Variants in WTAP observed in about 807,000 individuals in gnomAD.
WTAP encodes WT1 associated protein, also known as pre-mRNA-splicing regulator WTAP.
A neutral mutation model predicts 50.0 loss-of-function variants in WTAP; 8 were observed. The observed-to-expected ratio is 0.16, with a 90% CI of 0.09 to 0.29. The LOEUF (loss-of-function observed/expected upper bound fraction) is 0.29, where lower values mean the gene tolerates loss of function less well. WTAP is among the 10% of genes least tolerant of loss of function. The probability of loss-of-function intolerance (pLI) is 1.00; values close to 1 mark genes in which losing one functional copy is unlikely to be tolerated. For missense variants in WTAP, 295 were observed against 470.7 expected (o/e 0.63, Z 3.45); for synonymous variants, 194 against 169.0 (o/e 1.15, Z -1.15).
rs1779988589 is a variant in WTAP, at chr6:159,755,765, C to CTTTTTTTTTTGTTTTTTTTTTTTTTTTTT, written c.*164_*165insGTTTTTTTTTTTTTTTTTTTTTTTTTTTT. The stretch of plus-strand genomic sequence containing the variant: ...TTTTTCTTTGTTTTTTTTTTCTTTT[C>CTTTTTTTTTTGTTTTTTTTTTTTTTTTTT]TTTTTTTTTTTTTTTTTTTTTTTTT... On this transcript the variant is annotated 3_prime_UTR_variant, in exon 8 of 8. Coordinates refer to ENST00000621533, the MANE Select transcript of WTAP (RefSeq NM_001270531.2). 1 of 160,626 alleles carries CTTTTTTTTTTGTTTTTTTTTTTTTTTTTT rather than the reference C, an allele frequency of 6.2e-6. No homozygotes were observed. Among genetic ancestry groups the CTTTTTTTTTTGTTTTTTTTTTTTTTTTTT allele is most frequent in the Non-Finnish European group, 7.6e-6 (1 of 130,856 alleles). 10.0% of individuals were successfully genotyped at this position (160,626 alleles called of 1,614,324 possible). A position where few individuals can be genotyped will look rare whatever the true frequency, so the allele number is the denominator to read the frequency against.
intron 3 of WTAP, among the ~76,000 whole-genome samples, chr6:159,739,671 TAAAAA>T (rs1779124586): frequency 6.6e-6 from 1 of 152,176 alleles, no homozygotes; most frequent in Non-Finnish European, 1.5e-5. Context: ...ATAACTTAGA[TAAAAA>T]TAAAATAAGT....
At chr6:159,728,941 A>G (rs893036607) in intron 1 of WTAP, among the ~76,000 whole-genome samples, 7 of 152,258 alleles carry the variant, frequency 4.6e-5, no homozygotes, top group South Asian at 4.1e-4. Context: ...AAAAGTAATA[A>G]TAATAGTGTG....
upstream of WTAP, chr6:159,726,966 A>T: frequency 2.3e-6 from 3 of 1,283,914 alleles, no homozygotes; most frequent in South Asian, 3.7e-5. Context: ...TCACGAACAC[A>T]GAGCGGCCAA....
intron 3 of WTAP, 31 bp from the exon 4 acceptor site, chr6:159,742,054 CGTA>C (rs1562459884): frequency 2.1e-6 from 3 of 1,440,666 alleles, no homozygotes; most frequent in South Asian, 2.4e-5. Flanking sequence ...ACTATTTTAT[CGTA>C]ACAACTAATG....
intron 1 of WTAP, among the ~76,000 whole-genome samples, chr6:159,733,088 A>G (rs541120956): frequency 2.7e-4 from 41 of 152,254 alleles, no homozygotes; most frequent in African/African-American, 9.1e-4. Flanking sequence ...AATGACTGCC[A>G]CCAGGTTAAG....
intron 1 of WTAP, among the ~76,000 whole-genome samples, chr6:159,733,368 G>A (rs1413883848): frequency 6.6e-6 from 1 of 152,136 alleles, no homozygotes; most frequent in Non-Finnish European, 1.5e-5. Context: ...TGTAATGCCA[G>A]CACTTTGGGA....
Position 159,753,537 on chromosome 6 carries a change from A to G in WTAP, c.530A>G (p.Gln177Arg). 1 of 1,614,238 alleles carries G rather than the reference A, an allele frequency of 6.2e-7. No homozygotes were observed. Among genetic ancestry groups the G allele is most frequent in the Non-Finnish European group, 8.5e-7 (1 of 1,180,044 alleles). ...CAAGAGCTTGGAAGGCAGCTGTCCC[A>G]GGGACGTATTGCACAACTTGAAGCA... ...ENQELGRQLS[Q>R]GRIAQLEAEL... The change falls in exon 7 of 8, where the codon CAG becomes CGG. Residue 177 changes from glutamine to arginine, a missense_variant. Transcript: ENST00000621533.
chr6:159,747,714 A>G (rs1779656979), intron 5 of WTAP, among the ~76,000 whole-genome samples: 1 of 152,214 alleles, frequency 6.6e-6, no homozygotes. Flanking sequence ...TTAGGTAATT[A>G]ATATTTTAAA....
At chr6:159,742,047 A>G (rs1428017646) in intron 3 of WTAP, 41 bp from the exon 4 acceptor site, 9 of 1,392,546 alleles carry the variant, frequency 6.5e-6, no homozygotes, top group Non-Finnish European at 9.0e-6. Flanking sequence ...TTAATAAACT[A>G]TTTTATCGTA....
At position 159,748,812 on chromosome 6, in the gene WTAP, A is replaced by C. The variant is rs1779712874; in HGVS notation, c.452+443A>C. 1 of 1,231,564 alleles carries C rather than the reference A, an allele frequency of 8.1e-7. No homozygotes were observed. The highest frequency in any genetic ancestry group is 4.1e-5 in the Admixed American group (1 of 24,200). 76.3% of individuals were successfully genotyped at this position (1,231,564 alleles called of 1,614,324 possible). A position where few individuals can be genotyped will look rare whatever the true frequency, so the allele number is the denominator to read the frequency against. ...ATGTAAAATTCCAGTAAAATGTAAA[A>C]ACGGAATATGCATCGCTCTTAACCT... is the stretch of plus-strand genomic sequence containing the variant. On this transcript the variant is annotated intron_variant, in intron 6 of 7. Transcript: ENST00000621533. The surrounding 1 kb of genome is among the most constrained non-coding windows in gnomAD (Gnocchi z 5.6).
At chr6:159,737,074 G>T (rs554824424) in intron 2 of WTAP, among the ~76,000 whole-genome samples, 6 of 152,266 alleles carry the variant, frequency 3.9e-5, no homozygotes, top group African/African-American at 1.2e-4. Context: ...TTGGAACAGG[G>T]TCTTGCTCTC....
chr6:159,755,217 C>T lies in WTAP; in HGVS notation c.797C>T (p.Thr266Ile). Residue 266 changes from threonine to isoleucine, a missense_variant, in exon 8 of 8, where the codon ACA becomes ATA. Thr to Ile is a moderately conservative substitution (Grantham distance 89). Coordinates refer to ENST00000621533, the MANE Select transcript of WTAP (RefSeq NM_001270531.2). ...GAACCTGTAGAACAGTCAGAGGCCA[C>T]AAGTAAAGACTGCAGTCGTCTGACA... ...ASEPVEQSEA[T>I]SKDCSRLTNG... is the part of the protein sequence containing the mutation. 2 of 1,614,168 alleles carry T rather than the reference C, an allele frequency of 1.2e-6. No individual in the cohort carries two copies. The highest frequency in any genetic ancestry group is 8.5e-7 in the Non-Finnish European group (1 of 1,180,018).
chr6:159,727,090 C>T (rs1452756434), upstream of WTAP: 5 of 1,195,438 alleles, frequency 4.2e-6, no homozygotes, highest in East Asian at 1.8e-4. Context: ...TGACCTCCGA[C>T]CTCGCTGGCC....
chr6:159,747,650 A>G (rs1288491255), intron 5 of WTAP, among the ~76,000 whole-genome samples: 1 of 152,220 alleles, frequency 6.6e-6, no homozygotes, highest in Non-Finnish European at 1.5e-5. Flanking sequence ...GGGACTTTAC[A>G]TAGAATAATT....
At chr6:159,742,661 A>G (rs773948776) in intron 4 of WTAP, among the ~76,000 whole-genome samples, 17 of 152,158 alleles carry the variant, frequency 1.1e-4, no homozygotes, top group African/African-American at 2.4e-4. Flanking sequence ...CTATTTGTTG[A>G]GTATAAAAAC....
At chr6:159,730,634 A>G (rs1402784969) in intron 1 of WTAP, among the ~76,000 whole-genome samples, 1 of 152,210 alleles carries the variant, frequency 6.6e-6, no homozygotes, top group Non-Finnish European at 1.5e-5. Context: ...ATCGACTTTC[A>G]AGGAAAGATT....
At chr6:159,745,866 T>C (rs1202782509) in intron 5 of WTAP, among the ~76,000 whole-genome samples, 1 of 152,122 alleles carries the variant, frequency 6.6e-6, no homozygotes, top group Non-Finnish European at 1.5e-5. Context: ...GAATAGGTGT[T>C]TTGGAGGCAC....
Position 159,755,324 on chromosome 6 carries a change from GACTT to G in WTAP, c.905_908del (p.Asp302ValfsTer27). Reference sequence around the variant, plus strand: ...CAGGGAGGGCAACACAACCGAAGATGACTTTCCTTCTTCTCCAGGGAATGGTAAT... The same window carrying G: ...CAGGGAGGGCAACACAACCGAAGATGTCCTTCTTCTCCAGGGAATGGTAAT... On this transcript the variant is annotated frameshift_variant, in exon 8 of 8. Transcript: ENST00000621533. LOFTEE classifies it high-confidence loss of function. The G allele has an allele frequency of 6.2e-7, 1 of 1,614,236 alleles. No homozygotes were observed. Among genetic ancestry groups the G allele is most frequent in the Non-Finnish European group, 8.5e-7 (1 of 1,180,042 alleles).
chr6:159,748,270 A>C lies in WTAP; in HGVS notation c.353A>C (p.Asn118Thr). The C allele has an allele frequency of 6.2e-7, 1 of 1,614,100 alleles. No individual in the cohort carries two copies. The highest frequency in any genetic ancestry group is 1.1e-5 in the South Asian group (1 of 91,074). Reference sequence around the variant, plus strand: ...TCAACAATGGTAGACCCAGCGATCAACTTGTTTTTCCTAAAAATGAAAGGT... The same window carrying C: ...TCAACAATGGTAGACCCAGCGATCACCTTGTTTTTCCTAAAAATGAAAGGT... ...LRSTMVDPAI[N>T]LFFLKMKGEL... Residue 118 changes from asparagine (N) to threonine (T), a missense_variant, in exon 6 of 8, where the codon AAC (asparagine) becomes ACC (threonine). Physicochemically the swap from Asn to Thr is moderately conservative, Grantham distance 65 (BLOSUM62 0). Transcript: ENST00000621533. The surrounding 1 kb of genome is among the most constrained non-coding windows in gnomAD (Gnocchi z 5.6).
Sources: allele counts gnomAD v4.1 joint callset (sites outside exome capture counted in the v4.1 genomes callset), GRCh38; gene constraint gnomAD v4.1.1; non-coding constraint Gnocchi (gnomAD v3.1); transcripts MANE v1.5; gene names NCBI Gene and HGNC (gene_info 2026-07-23, HGNC 2026-07-21).